The following INSL6 variants were observed in gnomAD, a reference collection of about 807,000 sequenced individuals.
INSL6 encodes the protein insulin like 6, also known as insulin-like peptide INSL6.
In INSL6, 16 loss-of-function variants were observed where a neutral mutation model predicts 9.4. The observed-to-expected ratio is 1.70, with a 90% CI of 1.15 to 2.59. INSL6 has a LOEUF of 2.59. INSL6 is among the 30% of genes most tolerant of loss of function. INSL6 has a pLI of 0.00. For missense variants in INSL6, 391 were observed against 257.3 expected, an observed-to-expected ratio of 1.52 and a Z score of -3.56; for synonymous variants, 154 against 96.9, an observed-to-expected ratio of 1.59 and a Z score of -3.46.
intron 2 of INSL6, among the ~76,000 whole-genome samples, chr9:5,149,027 TA>T (rs990955349): frequency 6.6e-6 from 1 of 151,898 alleles, no homozygotes; most frequent in Non-Finnish European, 1.5e-5. Context: ...CCTTGAGGAG[TA>T]GGCACTTATG....
intron 3 of INSL6, chr9:5,132,089 A>C (rs889282392): frequency 6.6e-6 from 1 of 152,168 alleles, no homozygotes; most frequent in Admixed American, 6.5e-5. Flanking sequence ...AGAAACTTGA[A>C]ACTGAGTTTT....
chr9:5,072,400 T>G, the INSL6 span: 1 of 931,290 alleles, frequency 1.1e-6, no homozygotes, highest in East Asian at 2.7e-5. Context: ...CTTATGGATT[T>G]AAAAAAATTC....
chr9:5,050,860 T>A, the INSL6 span: 1 of 1,562,408 alleles, frequency 6.4e-7, no homozygotes, highest in African/African-American at 1.4e-5. Flanking sequence ...TCCTTACACA[T>A]AAGTGTGAGT....
At chr9:5,178,060 G>A (rs962420878) in intron 1 of INSL6, among the ~76,000 whole-genome samples, 4 of 152,156 alleles carry the variant, frequency 2.6e-5, no homozygotes, top group African/African-American at 9.7e-5. Flanking sequence ...ATTTTTAGTA[G>A]AGACAGGGTT....
At chr9:4,995,464 T>C in the INSL6 span, among the ~76,000 whole-genome samples, 2 of 152,208 alleles carry the variant, frequency 1.3e-5, no homozygotes, top group African/African-American at 2.4e-5. Context: ...GGACGCAACT[T>C]TTTTCCCCTA....
the INSL6 span, among the ~76,000 whole-genome samples, chr9:5,087,134 C>T: frequency 6.6e-6 from 1 of 152,192 alleles, no homozygotes; most frequent in African/African-American, 2.4e-5. Context: ...AGTCTGTTCT[C>T]ACGCTGCAAA....
At chr9:5,073,041 G>A in the INSL6 span, among the ~76,000 whole-genome samples, 1 of 152,188 alleles carries the variant, frequency 6.6e-6, no homozygotes, top group Admixed American at 6.5e-5. Context: ...ATCATCCAGA[G>A]ATGCTAGCTG....
At chr9:5,075,779 T>A in the INSL6 span, among the ~76,000 whole-genome samples, 176 of 152,292 alleles carry the variant, frequency 1.2e-3, no homozygotes, top group African/African-American at 4.1e-3. Context: ...CAAGTCTTAT[T>A]ATCTAAGAAA....
the INSL6 span, among the ~76,000 whole-genome samples, chr9:5,068,173 AC>A: frequency 2.8e-4 from 24 of 84,410 alleles, no homozygotes; most frequent in African/African-American, 2.1e-3. Flanking sequence ...AAAAACAACA[AC>A]AAAAAAAAAA....
chr9:5,130,447 A>C (rs1057328227), intron 3 of INSL6, among the ~76,000 whole-genome samples: 1 of 152,220 alleles, frequency 6.6e-6, no homozygotes, highest in African/African-American at 2.4e-5. Flanking sequence ...TTACAGAGAC[A>C]ACAGGCAGCT....
downstream of INSL6, among the ~76,000 whole-genome samples, chr9:5,161,610 C>A (rs1824928127): frequency 6.6e-6 from 1 of 152,022 alleles, no homozygotes; most frequent in Admixed American, 6.6e-5. Context: ...GAGAAAGAAA[C>A]AAAGGACAAC....
chr9:5,134,865 A>G (rs188442308), intron 2 of INSL6, among the ~76,000 whole-genome samples: 29 of 152,336 alleles, frequency 1.9e-4, no homozygotes, highest in East Asian at 1.4e-3. Context: ...AATGAGCTAA[A>G]CACCTCAATT....
chr9:4,993,203 T>C, the INSL6 span, among the ~76,000 whole-genome samples: 2 of 152,338 alleles, frequency 1.3e-5, no homozygotes, highest in East Asian at 1.9e-4. Context: ...CTAAGCTCTG[T>C]GTGAGTCTGC....
At chr9:5,098,303 G>A in the INSL6 span, 1 of 152,122 alleles carries the variant, frequency 6.6e-6, no homozygotes, top group Non-Finnish European at 1.5e-5. Flanking sequence ...ACGTAACTTT[G>A]TCAAAGTTAA....
chr9:5,182,202 G>A (rs946788824), intron 1 of INSL6, among the ~76,000 whole-genome samples: 3 of 152,034 alleles, frequency 2.0e-5, no homozygotes, highest in Admixed American at 6.6e-5. Context: ...TAAAATGTGA[G>A]GAATGCACAT....
the INSL6 span, chr9:5,109,350 C>A: frequency 2.0e-4 from 30 of 152,268 alleles, no homozygotes; most frequent in African/African-American, 6.3e-4. Context: ...AAGCCTGCAA[C>A]TTCTTATCTA....
At chr9:5,138,801 T>C (rs1022058345) in intron 2 of INSL6, among the ~76,000 whole-genome samples, 1 of 152,064 alleles carries the variant, frequency 6.6e-6, no homozygotes, top group African/African-American at 2.4e-5. Context: ...AATTACAATC[T>C]CTAGAATTTA....
the INSL6 span, chr9:5,041,486 G>A: frequency 3.4e-6 from 2 of 593,804 alleles, no homozygotes; most frequent in Non-Finnish European, 6.5e-6. Flanking sequence ...GATCATGAGC[G>A]GTACAGAAGA....
chr9:5,182,181 G>A (rs1034743529), intron 1 of INSL6, among the ~76,000 whole-genome samples: 1 of 152,026 alleles, frequency 6.6e-6, no homozygotes, highest in African/African-American at 2.4e-5. Flanking sequence ...GTTCAAAACT[G>A]AATAAATCAG....
Sources: allele counts gnomAD v4.1 joint callset (sites outside exome capture counted in the v4.1 genomes callset), GRCh38; gene constraint gnomAD v4.1.1; transcripts MANE v1.5; gene names NCBI Gene and HGNC (gene_info 2026-07-23, HGNC 2026-07-21).